Variants in SLC8A3 observed in about 807,000 individuals in gnomAD.
SLC8A3 encodes sodium/calcium exchanger 3.
In SLC8A3, 37 loss-of-function variants were observed where a neutral mutation model predicts 65.4. The ratio of observed to expected loss-of-function variants is 0.57; its 90% CI spans 0.44 to 0.74. The LOEUF is 0.74. SLC8A3 is among the 30% of genes least tolerant of loss of function. SLC8A3 has a pLI of 0.00. For synonymous variants in SLC8A3, 461 were observed against 444.5 expected (o/e 1.04, Z -0.47); for missense variants, 1,112 against 1,172.1 (o/e 0.95, Z 0.75).
rs138435616 is a variant in SLC8A3, at chr14:70,082,595, C to T, written c.1785-21656G>A. On this transcript the variant is annotated intron_variant, in intron 2 of 6. Coordinates refer to ENST00000356921, the MANE Select transcript of SLC8A3 (RefSeq NM_182932.3). ...GCCCTCTTCCTCTTCCGAACCTGGT[C>T]TCATTTCTAGTTTGTAGCTACCACG... 2.2e-3 allele frequency among the ~76,000 whole-genome samples: 334 copies of T among 152,284 alleles called. 1 individual carries two copies. The highest frequency in any genetic ancestry group is 7.8e-3 in the African/African-American group (324 of 41,544).
intron 2 of SLC8A3, among the ~76,000 whole-genome samples, chr14:70,070,132 G>T (rs1017748092): frequency 6.6e-6 from 1 of 152,180 alleles, no homozygotes; most frequent in African/African-American, 2.4e-5. Context: ...GAGGGACTTT[G>T]GAGTACATCC....
chr14:70,113,233 A>G (rs1266961717), intron 2 of SLC8A3, among the ~76,000 whole-genome samples: 1 of 152,172 alleles, frequency 6.6e-6, no homozygotes. Context: ...GGTATAGCCT[A>G]CTACACACCT....
intron 2 of SLC8A3, among the ~76,000 whole-genome samples, chr14:70,166,333 C>T (rs1014427815): frequency 2.0e-5 from 3 of 152,234 alleles, no homozygotes; most frequent in Admixed American, 6.5e-5. Context: ...TCTGATATCA[C>T]AAAACTTCTG....
intron 2 of SLC8A3, among the ~76,000 whole-genome samples, chr14:70,145,237 C>A (rs1895853653): frequency 6.6e-6 from 1 of 152,158 alleles, no homozygotes; most frequent in South Asian, 2.1e-4. Flanking sequence ...TATTTGACTC[C>A]AAAATTGAAT....
chr14:70,179,411 G>C (rs1031756483), intron 1 of SLC8A3, among the ~76,000 whole-genome samples: 1 of 152,194 alleles, frequency 6.6e-6, no homozygotes, highest in African/African-American at 2.4e-5. Context: ...GCCTTGGCTA[G>C]TGCTGGCAGA....
At chr14:70,180,169 A>G (rs8021402) in intron 1 of SLC8A3, among the ~76,000 whole-genome samples, 100,116 of 152,168 alleles carry the variant, frequency 0.66, 33,574 homozygotes, top group South Asian at 0.72. Flanking sequence ...CCTGTTGCAA[A>G]GCCATCAAGG....
chr14:70,162,709 G>A (rs557977693), intron 2 of SLC8A3, among the ~76,000 whole-genome samples: 36 of 152,160 alleles, frequency 2.4e-4, no homozygotes, highest in African/African-American at 8.2e-4. Flanking sequence ...GTCATTGCAT[G>A]CTACAGTCTT....
chr14:70,173,099 A>G (rs1453948519), intron 1 of SLC8A3, among the ~76,000 whole-genome samples: 1 of 152,206 alleles, frequency 6.6e-6, no homozygotes, highest in East Asian at 1.9e-4. Context: ...AGCTGAGAAG[A>G]CAGGGTTTTA....
chr14:70,187,710 C>A (rs1306501237), intron 1 of SLC8A3, among the ~76,000 whole-genome samples: 1 of 151,760 alleles, frequency 6.6e-6, no homozygotes, highest in African/African-American at 2.4e-5. Flanking sequence ...CCACCGAGTC[C>A]CGGATCACGC....
rs1345038411 is a variant in SLC8A3, at chr14:70,049,008, C to T, written c.2148G>A (p.Glu716=). Residue 716 remains glutamate (E), a synonymous_variant, in exon 6 of 7, where the codon GAG becomes GAA. Coordinates refer to ENST00000356921, the MANE Select transcript of SLC8A3 (RefSeq NM_182932.3). The stretch of plus-strand genomic sequence containing the variant: ...CGTAGTCAAAGCAGGAGGGCAGCCT[C>T]TCCTCCCCGGATTCATCCTCATCCT... ...GDEDEDESGE[E]RLPSCFDYVM... is the part of the protein sequence containing the mutation. The T allele has an allele frequency of 5.6e-6, 9 of 1,613,580 alleles. No homozygotes were observed. In the African/African-American group the frequency reaches 1.1e-4, roughly 19 times the overall value.
intron 2 of SLC8A3, among the ~76,000 whole-genome samples, chr14:70,074,995 G>C (rs897770814): frequency 2.6e-5 from 4 of 151,964 alleles, no homozygotes; most frequent in Non-Finnish European, 5.9e-5. Flanking sequence ...ACTTACTACA[G>C]GTTCTCCTAA....
At chr14:70,102,437 C>A (rs1327117446) in intron 2 of SLC8A3, among the ~76,000 whole-genome samples, 1 of 151,832 alleles carries the variant, frequency 6.6e-6, no homozygotes, top group African/African-American at 2.4e-5. Flanking sequence ...ATACAGCAAA[C>A]AATAAATAAT....
chr14:70,126,723 C>T (rs1894482617), intron 2 of SLC8A3, among the ~76,000 whole-genome samples: 1 of 151,968 alleles, frequency 6.6e-6, no homozygotes, highest in South Asian at 2.1e-4. Context: ...ATGCTGATAT[C>T]ATCCCAAACC....
At chr14:70,056,002 G>A (rs1160748009) in intron 3 of SLC8A3, among the ~76,000 whole-genome samples, 2 of 152,194 alleles carry the variant, frequency 1.3e-5, no homozygotes, top group Non-Finnish European at 2.9e-5. Context: ...GCAGCAAGAG[G>A]TGTGAGCAGC....
chr14:70,127,721 A>G (rs1894561650), intron 2 of SLC8A3, among the ~76,000 whole-genome samples: 1 of 152,192 alleles, frequency 6.6e-6, no homozygotes, highest in Non-Finnish European at 1.5e-5. Context: ...GGAGGAAATC[A>G]GGCCCTTATA....
In SLC8A3 at chr14:70,052,483, G is replaced by T. The variant is rs577310305; in HGVS notation, c.1889-369C>A. 6.6e-5 allele frequency among the ~76,000 whole-genome samples: 10 copies of T among 152,318 alleles called. No homozygotes were observed. The South Asian group carries it at 2.1e-3, about 32-fold the overall frequency. ...CTATTTTGAACTTTTGGGCCTGTTTGTTCAACCACTTCCTGTAAGAGTTCT... is the reference window on the plus strand; with the variant it reads ...CTATTTTGAACTTTTGGGCCTGTTTTTTCAACCACTTCCTGTAAGAGTTCT... On this transcript the variant is annotated intron_variant, in intron 3 of 6. Coordinates refer to ENST00000356921, the MANE Select transcript of SLC8A3 (RefSeq NM_182932.3).
chr14:70,074,403 G>T (rs541661401), intron 2 of SLC8A3, among the ~76,000 whole-genome samples: 8 of 152,324 alleles, frequency 5.3e-5, no homozygotes, highest in African/African-American at 1.7e-4. Context: ...GGGCCTAAGT[G>T]CTTGTCCCAG....
At chr14:70,051,635 T>C (rs962460047) in intron 4 of SLC8A3, among the ~76,000 whole-genome samples, 1 of 152,174 alleles carries the variant, frequency 6.6e-6, no homozygotes, top group Admixed American at 6.5e-5. Flanking sequence ...CTATTTAGAA[T>C]AATACAATAA....
intron 2 of SLC8A3, among the ~76,000 whole-genome samples, chr14:70,086,612 C>T (rs1479696207): frequency 6.6e-6 from 1 of 152,058 alleles, no homozygotes; most frequent in African/African-American, 2.4e-5. Flanking sequence ...CCATGTTGGC[C>T]AGGCTGGTCT....
Sources: allele counts gnomAD v4.1 joint callset (sites outside exome capture counted in the v4.1 genomes callset), GRCh38; gene constraint gnomAD v4.1.1; transcripts MANE v1.5; gene names NCBI Gene and HGNC (gene_info 2026-07-23, HGNC 2026-07-21).